The following CELF6 variants were observed in gnomAD, a reference collection of about 807,000 sequenced individuals.
The protein encoded by CELF6 is Bruno -like 6, RNA binding protein.
A neutral mutation model predicts 53.1 loss-of-function variants in CELF6; 32 were observed. The observed-to-expected ratio is 0.60, with a 90% CI of 0.46 to 0.81. The LOEUF is 0.81. Ranked by LOEUF, CELF6 falls within the 30% of genes least tolerant of loss-of-function variation. CELF6 has a pLI of 0.00. For synonymous variants in CELF6, 291 were observed against 288.8 expected (o/e 1.01, Z -0.08); for missense variants, 539 against 669.5 (o/e 0.81, Z 2.15).
At chr15:72,298,221 G>C (rs2088103849) in intron 3 of CELF6, among the ~76,000 whole-genome samples, 1 of 152,136 alleles carries the variant, frequency 6.6e-6, no homozygotes, top group East Asian at 1.9e-4. Flanking sequence ...TGGAATCCTA[G>C]AAAGAACTTG....
Position 72,300,989 on chromosome 15 carries a change from AT to A in CELF6, c.394+3756del, listed in dbSNP as rs11371218. Among the ~76,000 whole-genome samples, 264 of 146,832 alleles carry A rather than the reference AT, an allele frequency of 1.8e-3. 1 individual carries two copies. The highest frequency in any genetic ancestry group is 6.6e-3 in the East Asian group (33 of 5,020). ...GCCAACATTTAATACAGCTAAAATG[AT>A]TTTTTTTTTTTAAGACAGGGTCTCA... On this transcript the variant is annotated intron_variant, in intron 3 of 12. Transcript: ENST00000287202.
rs1333224336 is a variant in CELF6 at position 72,289,819 on chromosome 15, G to A, written c.604-49C>T. 2.1e-6 allele frequency: 3 copies of A among 1,463,202 alleles called. No individual in the cohort carries two copies. In the Admixed American group the frequency reaches 7.3e-5, roughly 36 times the overall value. 90.6% of individuals were successfully genotyped at this position (1,463,202 alleles called of 1,614,324 possible). On this transcript the variant is annotated intron_variant, in intron 5 of 12. Transcript: ENST00000287202. The surrounding 1 kb of genome is among the most constrained non-coding windows in gnomAD (Gnocchi z 7.6). ...GGTGACCGGTCCTGACCCTGGCCCC[G>A]GCCCGGGGCCGAGCGCCTTTCCCAT...
At chr15:72,314,087 G>A (rs1394711765) in intron 2 of CELF6, among the ~76,000 whole-genome samples, 1 of 152,206 alleles carries the variant, frequency 6.6e-6, no homozygotes, top group African/African-American at 2.4e-5. Context: ...CAGTGATGGT[G>A]ACAAATTGGT....
In CELF6 at chr15:72,304,404, T is replaced by A. The variant is rs538137301; in HGVS notation, c.394+342A>T. Among the ~76,000 whole-genome samples the A allele has an allele frequency of 4.6e-5, 7 of 152,280 alleles. No homozygotes were observed. In the South Asian group the frequency reaches 1.4e-3, roughly 32 times the overall value. Reference sequence around the variant, plus strand: ...ATGGAGAAGGAGAATAACCCCCACCTGATTCTTAAAAACAACAACAACAAC... The same window carrying A: ...ATGGAGAAGGAGAATAACCCCCACCAGATTCTTAAAAACAACAACAACAAC... On this transcript the variant is annotated intron_variant, in intron 3 of 12. Transcript: ENST00000287202.
At chr15:72,308,702 T>C (rs768623494) in intron 2 of CELF6, among the ~76,000 whole-genome samples, 75 of 152,066 alleles carry the variant, frequency 4.9e-4, no homozygotes, top group Admixed American at 2.0e-3. Flanking sequence ...TTTTAAACAT[T>C]TTTATTTATT....
At chr15:72,303,863 T>C (rs889377896) in intron 3 of CELF6, among the ~76,000 whole-genome samples, 1 of 152,156 alleles carries the variant, frequency 6.6e-6, no homozygotes, top group African/African-American at 2.4e-5. Context: ...GTTTTTGTTT[T>C]TGTTTTTGTT....
At chr15:72,296,075 T>G (rs939366990) in intron 3 of CELF6, among the ~76,000 whole-genome samples, 5 of 152,178 alleles carry the variant, frequency 3.3e-5, no homozygotes, top group African/African-American at 1.2e-4. Flanking sequence ...AAATAAACTC[T>G]CTTACATATG....
intron 2 of CELF6, among the ~76,000 whole-genome samples, chr15:72,309,290 G>A (rs1350758856): frequency 6.6e-6 from 1 of 152,226 alleles, no homozygotes. Flanking sequence ...ACTATGTGGA[G>A]AAAGGATTGG....
chr15:72,288,634 G>T lies in CELF6; in HGVS notation c.1094-16C>A. On this transcript the variant is annotated splice_polypyrimidine_tract_variant and intron_variant, in intron 9 of 12. Transcript: ENST00000287202. This position sits in a 1 kb window ranked among gnomAD's most constrained non-coding sequence, Gnocchi z 4.6. ...GGATAGGCTGCTGGAGACAGAGGTG[G>T]GAGTGGACAGTGATCCCCAGGAGCC... 6.4e-7 allele frequency: 1 copy of T among 1,552,650 alleles called. No individual in the cohort carries two copies. The highest frequency in any genetic ancestry group is 8.7e-7 in the Non-Finnish European group (1 of 1,149,240).
rs1317935957 is a variant in CELF6, at chr15:72,319,607, G to A, written c.262+6C>T. Reference sequence around the variant, plus strand: ...GGCTGGGCTGGGCTGGGCTGACCCCGCGCACCTTTGTGGAGGCCGGTGAGC... The same window carrying A: ...GGCTGGGCTGGGCTGGGCTGACCCCACGCACCTTTGTGGAGGCCGGTGAGC... On this transcript the variant is annotated splice_donor_region_variant and intron_variant, in intron 1 of 12. Transcript: ENST00000287202. The surrounding 1 kb of genome is among the most constrained non-coding windows in gnomAD (Gnocchi z 5.0). 6.5e-7 allele frequency: 1 copy of A among 1,543,458 alleles called. No individual in the cohort carries two copies. Among genetic ancestry groups the A allele is most frequent in the Admixed American group, 2.0e-5 (1 of 50,764 alleles).
intron 2 of CELF6, 90 bp from the exon 3 acceptor site, chr15:72,304,884 G>A: frequency 8.6e-7 from 1 of 1,169,186 alleles, no homozygotes; most frequent in Non-Finnish European, 1.3e-6. Context: ...CTCAGGATCT[G>A]AGCCCTAGCC....
intron 3 of CELF6, among the ~76,000 whole-genome samples, chr15:72,299,758 C>G (rs2088127931): frequency 6.6e-6 from 1 of 152,198 alleles, no homozygotes; most frequent in Non-Finnish European, 1.5e-5. Context: ...TAGTGTACTG[C>G]TCAATGTGTA....
chr15:72,288,750 G>T lies in CELF6; in HGVS notation c.1093+118C>A. On this transcript the variant is annotated intron_variant, in intron 9 of 12. Transcript: ENST00000287202. This position sits in a 1 kb window ranked among gnomAD's most constrained non-coding sequence, Gnocchi z 4.6. ...CTCACCCCAAGAGAGGTCGTTCTGG[G>T]GGTAGGAGGGGATGGGAGGATCAAC... The T allele has an allele frequency of 7.4e-7, 1 of 1,342,806 alleles. No individual in the cohort carries two copies. The highest frequency in any genetic ancestry group is 1.0e-6 in the Non-Finnish European group (1 of 955,382). 83.2% of individuals were successfully genotyped at this position (1,342,806 alleles called of 1,614,324 possible).
rs776761437 is a variant in CELF6 at position 72,288,669 on chromosome 15, G to A, written c.1094-51C>T. On this transcript the variant is annotated intron_variant, in intron 9 of 12. Coordinates refer to ENST00000287202, the MANE Select transcript of CELF6 (RefSeq NM_052840.5). This position sits in a 1 kb window ranked among gnomAD's most constrained non-coding sequence, Gnocchi z 4.6. ...GTGATCCCCAGGAGCCCTTCCCCAAGCAGGGCCCCAACTGCCTGGCCGCTT... is the reference window on the plus strand; with the variant it reads ...GTGATCCCCAGGAGCCCTTCCCCAAACAGGGCCCCAACTGCCTGGCCGCTT... 1.3e-6 allele frequency: 2 copies of A among 1,523,622 alleles called. No individual in the cohort carries two copies. The highest frequency in any genetic ancestry group is 1.8e-6 in the Non-Finnish European group (2 of 1,123,788). 94.4% of individuals were successfully genotyped at this position (1,523,622 alleles called of 1,614,324 possible).
chr15:72,317,717 G>T (rs896515365), intron 1 of CELF6, among the ~76,000 whole-genome samples: 1 of 152,136 alleles, frequency 6.6e-6, no homozygotes, highest in Non-Finnish European at 1.5e-5. Context: ...GATTTAGTTT[G>T]GAAATAAATC....
At chr15:72,313,306 C>T (rs2088321923) in intron 2 of CELF6, among the ~76,000 whole-genome samples, 1 of 152,202 alleles carries the variant, frequency 6.6e-6, no homozygotes, top group Non-Finnish European at 1.5e-5. Context: ...AATAACAATA[C>T]CTTATTTAGG....
chr15:72,301,937 G>A (rs1206809299), intron 3 of CELF6, among the ~76,000 whole-genome samples: 1 of 151,948 alleles, frequency 6.6e-6, no homozygotes, highest in African/African-American at 2.4e-5. Flanking sequence ...GGGTTTCACC[G>A]TGTTAACCAA....
chr15:72,290,573 A>G (rs1288740740), intron 3 of CELF6, among the ~76,000 whole-genome samples: 2 of 152,108 alleles, frequency 1.3e-5, no homozygotes, highest in Non-Finnish European at 1.5e-5. Context: ...ATTGTTTTAC[A>G]TGTTTGACCT....
In CELF6 at chr15:72,319,504, G is replaced by A; in HGVS notation, c.262+109C>T. On this transcript the variant is annotated intron_variant, in intron 1 of 12. Coordinates refer to ENST00000287202, the MANE Select transcript of CELF6 (RefSeq NM_052840.5). This position sits in a 1 kb window ranked among gnomAD's most constrained non-coding sequence, Gnocchi z 5.0. ...GCTGGGCTGAGGTGGGGCTGATATT[G>A]GACTGGTGTTGGACTGGCTCTCGGC... 3 of 1,226,910 alleles carry A rather than the reference G, an allele frequency of 2.4e-6. No homozygotes were observed. The highest frequency in any genetic ancestry group is 1.5e-5 in the South Asian group (1 of 65,524). The allele number at this position is 1,226,910 out of a possible 1,614,324, so 76.0% of individuals were successfully genotyped here. A position where few individuals can be genotyped will look rare whatever the true frequency, so the allele number is the denominator to read the frequency against.
Sources: gnomAD v4.1 joint callset for allele counts (sites outside exome capture counted in the v4.1 genomes callset) on GRCh38, gnomAD v4.1.1 for gene constraint, Gnocchi (gnomAD v3.1) non-coding constraint, MANE v1.5 for transcripts, NCBI Gene and HGNC (gene_info 2026-07-23, HGNC 2026-07-21) for gene names.